Variants in SMG9 observed in about 807,000 individuals in gnomAD.
SMG9 encodes nonsense-mediated mRNA decay factor SMG9.
A neutral mutation model predicts 64.0 loss-of-function variants in SMG9; 55 were observed. That is an observed-to-expected ratio of 0.86 (90% CI 0.69 to 1.08). The LOEUF is 1.08. Among genes scored for constraint, SMG9 ranks in the 50% least tolerant of loss-of-function variants. SMG9 has a pLI of 0.00. For missense variants in SMG9, 554 were observed against 681.3 expected (o/e 0.81, Z 2.08); for synonymous variants, 244 against 254.8 (o/e 0.96, Z 0.41).
rs186801473 is a variant in SMG9 at position 43,754,197 on chromosome 19, T to C, written c.-7+457A>G. ...GGGAGACTCTCCCGATTCCTGAGTATGTAAGCCCACTTCGTGGGGCACTCC... is the reference window on the plus strand; with the variant it reads ...GGGAGACTCTCCCGATTCCTGAGTACGTAAGCCCACTTCGTGGGGCACTCC... On this transcript the variant is annotated intron_variant, in intron 1 of 13. Transcript: ENST00000270066. Among the ~76,000 whole-genome samples the C allele has an allele frequency of 6.0e-3, 911 of 152,302 alleles. 5 individuals carry two copies. The highest frequency in any genetic ancestry group is 0.014 in the Middle Eastern group (4 of 294).
rs1005134614 is a variant in SMG9 at position 43,739,976 on chromosome 19, G to C, written c.813+131C>G. On this transcript the variant is annotated intron_variant, in intron 7 of 13. Coordinates refer to ENST00000270066, the MANE Select transcript of SMG9 (RefSeq NM_019108.4). The stretch of plus-strand genomic sequence containing the variant: ...CCAAGAAAAGACACAATTTGCCCCA[G>C]GGCAGCCAGTATGTCCATGGCTTGA... The C allele has an allele frequency of 1.4e-5, 10 of 709,680 alleles. No individual in the cohort carries two copies. The African/African-American group carries it at 1.8e-4, about 12-fold the overall frequency. The allele number at this position is 709,680 out of a possible 1,614,324, so 44.0% of individuals were successfully genotyped here. A position where few individuals can be genotyped will look rare whatever the true frequency, so the allele number is the denominator to read the frequency against.
intron 2 of SMG9, chr19:43,750,260 T>C (rs1170190471): frequency 5.4e-6 from 3 of 552,556 alleles, no homozygotes; most frequent in African/African-American, 1.9e-5. Flanking sequence ...TGGCCTCCTA[T>C]GGCTACTCCT....
Position 43,728,363 on chromosome 19 carries a change from C to A in SMG9, c.*3233G>T. ...TCTGGGCATGTGAAGTACCTGCTCC[C>A]AGTTCACCTTCCGCCATGATTGTAA... On this transcript the variant is annotated 3_prime_UTR_variant, in exon 14 of 14. Transcript: ENST00000270066. 1 of 153,918 alleles carries A rather than the reference C, an allele frequency of 6.5e-6. No individual in the cohort carries two copies. The highest frequency in any genetic ancestry group is 1.9e-4 in the South Asian group (1 of 5,138). The allele number at this position is 153,918 out of a possible 1,614,324, so 9.5% of individuals were successfully genotyped here. A position where few individuals can be genotyped will look rare whatever the true frequency, so the allele number is the denominator to read the frequency against.
intron 5 of SMG9, 56 bp downstream of exon 5, chr19:43,747,386 A>T: frequency 1.3e-6 from 2 of 1,557,046 alleles, no homozygotes; most frequent in South Asian, 2.2e-5. Context: ...AGAGAGGTGG[A>T]AGATCAGAGG....
At chr19:43,746,463 G>A (rs923545247) in intron 5 of SMG9, among the ~76,000 whole-genome samples, 3 of 152,086 alleles carry the variant, frequency 2.0e-5, no homozygotes, top group African/African-American at 7.2e-5. Flanking sequence ...GGTAGGGTTT[G>A]GTTTTTTGTT....
intron 5 of SMG9, among the ~76,000 whole-genome samples, chr19:43,746,081 G>C (rs577417066): frequency 1.1e-4 from 17 of 152,288 alleles, no homozygotes; most frequent in Non-Finnish European, 1.8e-4. Flanking sequence ...GCTGAGGCTG[G>C]AGAACTGCTT....
intron 6 of SMG9, among the ~76,000 whole-genome samples, chr19:43,741,063 C>A (rs968337179): frequency 6.6e-6 from 1 of 152,180 alleles, no homozygotes; most frequent in Admixed American, 6.5e-5. Flanking sequence ...CGGAAAACCT[C>A]CTATTTGCCA....
At chr19:43,735,383 T>G (rs1968622923) in intron 9 of SMG9, among the ~76,000 whole-genome samples, 1 of 152,082 alleles carries the variant, frequency 6.6e-6, no homozygotes, top group African/African-American at 2.4e-5. Context: ...TTTGGGGAGC[T>G]GAGGCGGGCA....
rs1334322474 is a variant in SMG9, at chr19:43,733,721, T to C, written c.1115A>G (p.Asn372Ser). Reference sequence around the variant, plus strand: ...ACAGAAGTCCTCTCGGCGAGCTTTGTTCTGCAAGAAGACTGAGGGTGGGAA... The same window carrying C: ...ACAGAAGTCCTCTCGGCGAGCTTTGCTCTGCAAGAAGACTGAGGGTGGGAA... The part of the protein sequence containing the change: ...EYYPHLVFLQ[N>S]KARREDFCPR... Residue 372 changes from asparagine to serine, a missense_variant, in exon 11 of 14, where the codon AAC (asparagine) becomes AGC (serine). By Grantham distance (46) the Asn-to-Ser change is conservative (BLOSUM62 1). Coordinates refer to ENST00000270066, the MANE Select transcript of SMG9 (RefSeq NM_019108.4). The C allele has an allele frequency of 6.2e-7, 1 of 1,614,034 alleles. No individual in the cohort carries two copies. The highest frequency in any genetic ancestry group is 2.2e-5 in the East Asian group (1 of 44,894).
At position 43,729,138 on chromosome 19, in the gene SMG9, C is replaced by G. The variant is rs1190586963; in HGVS notation, c.*2458G>C. ...CAGTTTGACTCCTCTGTCAAACTGC[C>G]TCAACGAGCCAGCCCCTGCACAAAA... On this transcript the variant is annotated 3_prime_UTR_variant, in exon 14 of 14. Coordinates refer to ENST00000270066, the MANE Select transcript of SMG9 (RefSeq NM_019108.4). 2 of 635,962 alleles carry G rather than the reference C, an allele frequency of 3.1e-6. No individual in the cohort carries two copies. Among genetic ancestry groups the G allele is most frequent in the Non-Finnish European group, 3.9e-6 (2 of 511,096 alleles). 39.4% of individuals were successfully genotyped at this position (635,962 alleles called of 1,614,324 possible). A position where few individuals can be genotyped will look rare whatever the true frequency, so the allele number is the denominator to read the frequency against.
chr19:43,734,243 T>C, intron 10 of SMG9, 146 bp downstream of exon 10: 9 of 642,458 alleles, frequency 1.4e-5, no homozygotes, highest in South Asian at 5.6e-5. Context: ...CTAATCCTTT[T>C]TGACTTTGCT....
Position 43,732,954 on chromosome 19 carries a change from T to G in SMG9, c.1388A>C (p.His463Pro). The G allele has an allele frequency of 6.2e-7, 1 of 1,613,390 alleles. No individual in the cohort carries two copies. The highest frequency in any genetic ancestry group is 8.5e-7 in the Non-Finnish European group (1 of 1,179,834). Reference protein sequence around the residue: ...LFSLLPGYRGHPSFQSLVSKL... With the variant: ...LFSLLPGYRGPPSFQSLVSKL... ...GCTCACCAAGGACTGGAAACTGGGG[T>G]GGCCACGATACCCAGGCAGCAGGGA... The change falls in exon 13 of 14, where the codon CAC becomes CCC. Residue 463 changes from histidine to proline, a missense_variant. By Grantham distance (77) the His-to-Pro change is moderately conservative. Coordinates refer to ENST00000270066, the MANE Select transcript of SMG9 (RefSeq NM_019108.4).
At chr19:43,748,583 T>G (rs956552526) in intron 2 of SMG9, 4 of 503,538 alleles carry the variant, frequency 7.9e-6, no homozygotes, top group South Asian at 5.8e-5. Flanking sequence ...CTGGTGGCAC[T>G]TGCTATCCTG....
chr19:43,737,806 G>A lies in SMG9; in HGVS notation c.910-124C>T, dbSNP rs1486354510. On this transcript the variant is annotated intron_variant, in intron 8 of 13. Coordinates refer to ENST00000270066, the MANE Select transcript of SMG9 (RefSeq NM_019108.4). ...AGGAGCCTTCAAGCAGCTACTGTGT[G>A]CCCAGCACTGTGATGGCACTTCCCT... is the stretch of plus-strand genomic sequence containing the variant. The A allele has an allele frequency of 6.9e-6, 6 of 874,978 alleles. No individual in the cohort carries two copies. The East Asian group carries it at 1.0e-4, about 15-fold the overall frequency. 54.2% of individuals were successfully genotyped at this position (874,978 alleles called of 1,614,324 possible).
Position 43,730,457 on chromosome 19 carries a change from T to G in SMG9, c.*1139A>C, listed in dbSNP as rs1397628868. 1 of 152,206 alleles carries G rather than the reference T, an allele frequency of 6.6e-6. No individual in the cohort carries two copies. The highest frequency in any genetic ancestry group is 6.5e-5 in the Admixed American group (1 of 15,278). The allele number at this position is 152,206 out of a possible 1,614,324, so 9.4% of individuals were successfully genotyped here. A position where few individuals can be genotyped will look rare whatever the true frequency, so the allele number is the denominator to read the frequency against. On this transcript the variant is annotated 3_prime_UTR_variant, in exon 14 of 14. Coordinates refer to ENST00000270066, the MANE Select transcript of SMG9 (RefSeq NM_019108.4). ...GTTTACGAGAGGAAAGCCACTGTAT[T>G]TAACCAACAGAAGGCACTGTCTGTA...
At chr19:43,746,841 A>G (rs1168855936) in intron 5 of SMG9, among the ~76,000 whole-genome samples, 1 of 146,454 alleles carries the variant, frequency 6.8e-6, no homozygotes, top group Non-Finnish European at 1.5e-5. Context: ...TTTTTTACTG[A>G]GACAGGGTCT....
Position 43,731,366 on chromosome 19 carries a change from C to A in SMG9, c.*230G>T. 1.5e-6 allele frequency: 2 copies of A among 1,355,122 alleles called. No homozygotes were observed. Among genetic ancestry groups the A allele is most frequent in the South Asian group, 1.7e-5 (1 of 58,490 alleles). The allele number at this position is 1,355,122 out of a possible 1,614,324, so 83.9% of individuals were successfully genotyped here. A position where few individuals can be genotyped will look rare whatever the true frequency, so the allele number is the denominator to read the frequency against. ...CCTGTGGAGGACACAGGACGGGCTA[C>A]CCCATCTCAGGTTTGGGGTGGGATC... On this transcript the variant is annotated 3_prime_UTR_variant, in exon 14 of 14. Coordinates refer to ENST00000270066, the MANE Select transcript of SMG9 (RefSeq NM_019108.4).
Position 43,750,721 on chromosome 19 carries a change from A to G in SMG9, c.21T>C (p.Ser7=), listed in dbSNP as rs1969169400. ...GCTCTATCCCATAGAGTCCAGGCTG[A>G]CTGTGTCCAGACTCAGACATGGTTA... The part of the protein sequence containing the change: MSESGH[S]QPGLYGIERR... Residue 7 remains serine, a synonymous_variant, in exon 2 of 14, where the codon AGT becomes AGC. Transcript: ENST00000270066. The G allele has an allele frequency of 6.2e-7, 1 of 1,612,904 alleles. No homozygotes were observed. Among genetic ancestry groups the G allele is most frequent in the African/African-American group, 1.3e-5 (1 of 74,974 alleles).
rs1242869727 is a variant in SMG9, at chr19:43,748,535, C to T, written c.151-483G>A. 5 of 441,756 alleles carry T rather than the reference C, an allele frequency of 1.1e-5. No individual in the cohort carries two copies. The East Asian group carries it at 2.8e-4, about 25-fold the overall frequency. The allele number at this position is 441,756 out of a possible 1,614,324, so 27.4% of individuals were successfully genotyped here. ...AGAACTCATCAAGTGTCTAGCATGG[C>T]ACCTGACACATGGCAGGTGCTCACT... On this transcript the variant is annotated intron_variant, in intron 2 of 13. Coordinates refer to ENST00000270066, the MANE Select transcript of SMG9 (RefSeq NM_019108.4).
Sources: allele counts gnomAD v4.1 joint callset (sites outside exome capture counted in the v4.1 genomes callset), GRCh38; gene constraint gnomAD v4.1.1; transcripts MANE v1.5; gene names NCBI Gene and HGNC (gene_info 2026-07-23, HGNC 2026-07-21).